RBFOX3: variants seen among roughly 807,000 people sequenced by gnomAD.
The protein encoded by RBFOX3 is RNA binding fox-1 homolog 3, also known as RNA binding protein fox-1 homolog 3.
Under a neutral mutation model 48.7 loss-of-function variants are expected in RBFOX3, and 17 were observed. The observed-to-expected ratio is 0.35, with a 90% CI of 0.24 to 0.52. The LOEUF is 0.52. RBFOX3 is among the 20% of genes least tolerant of loss of function. RBFOX3 has a pLI of 0.94. For missense variants in RBFOX3, 382 were observed against 497.5 expected, an observed-to-expected ratio of 0.77 and a Z score of 2.21; for synonymous variants, 212 against 209.5, an observed-to-expected ratio of 1.01 and a Z score of -0.10.
chr17:79,359,261 G>A (rs887559349), intron 2 of RBFOX3, among the ~76,000 whole-genome samples: 76 of 152,190 alleles, frequency 5.0e-4, no homozygotes, highest in African/African-American at 1.6e-3. Context: ...GCCAGTGTTA[G>A]CAAAGAAAAA....
At chr17:79,336,331 G>C (rs761415514) in intron 2 of RBFOX3, among the ~76,000 whole-genome samples, 64 of 151,980 alleles carry the variant, frequency 4.2e-4, no homozygotes, top group Non-Finnish European at 7.9e-4. Flanking sequence ...AGGTTGCAGT[G>C]AGCCAAGATC....
chr17:79,114,495 G>A (rs1044910842), intron 5 of RBFOX3, among the ~76,000 whole-genome samples: 29 of 152,220 alleles, frequency 1.9e-4, no homozygotes, highest in African/African-American at 6.5e-4. Context: ...CCTGGGTGAC[G>A]CTGGAGGAAG....
intron 4 of RBFOX3, among the ~76,000 whole-genome samples, chr17:79,200,503 G>C (rs995346902): frequency 2.6e-5 from 4 of 152,346 alleles, no homozygotes; most frequent in Admixed American, 1.3e-4. Context: ...GAGCCAAGAG[G>C]GGCAGAGGTG....
At chr17:79,546,053 C>T (rs577421164) in intron 1 of RBFOX3, among the ~76,000 whole-genome samples, 26 of 152,364 alleles carry the variant, frequency 1.7e-4, no homozygotes, top group African/African-American at 5.8e-4. Context: ...GGATACCTCT[C>T]GCAGATTTGC....
chr17:79,627,300 C>T, the RBFOX3 span, among the ~76,000 whole-genome samples: 1 of 152,204 alleles, frequency 6.6e-6, no homozygotes, highest in African/African-American at 2.4e-5. Context: ...CTTCCCCCAC[C>T]CCCTGGAGTG....
intron 4 of RBFOX3, among the ~76,000 whole-genome samples, chr17:79,176,176 G>A (rs544538141): frequency 1.3e-5 from 2 of 152,348 alleles, no homozygotes; most frequent in East Asian, 3.9e-4. Context: ...CTCCTCTTCT[G>A]TGGATTCCCT....
At chr17:79,151,225 G>A (rs1275309387) in intron 4 of RBFOX3, among the ~76,000 whole-genome samples, 1 of 151,736 alleles carries the variant, frequency 6.6e-6, no homozygotes, top group Non-Finnish European at 1.5e-5. Context: ...AGGGCTGAGG[G>A]GAACACAAGA....
At position 79,512,677 on chromosome 17, in the gene RBFOX3, ACGTGTT is replaced by A. The variant is rs2084552657; in HGVS notation, c.-319-30085_-319-30080del. On this transcript the variant is annotated intron_variant, in intron 1 of 14. Transcript: ENST00000693108. ...ATGGCCAGGGGACACCCACCCGGATACGTGTTACCATCGGGTACAGCCCCATGGCCA... is the reference window on the plus strand; with the variant it reads ...ATGGCCAGGGGACACCCACCCGGATAACCATCGGGTACAGCCCCATGGCCA... 1.1e-4 allele frequency among the ~76,000 whole-genome samples: 15 copies of A among 135,222 alleles called. 1 individual carries two copies. The highest frequency in any genetic ancestry group is 2.5e-4 in the African/African-American group (9 of 35,426). The allele number at this position is 135,222 out of a possible 152,430, so 88.7% of individuals were successfully genotyped here.
chr17:79,552,281 G>A (rs2091227576), intron 1 of RBFOX3, among the ~76,000 whole-genome samples: 2 of 152,148 alleles, frequency 1.3e-5, no homozygotes, highest in Non-Finnish European at 2.9e-5. Flanking sequence ...TATGGAAAAT[G>A]CAGGGAGCTT....
rs574151214 is a variant in RBFOX3 at position 79,249,550 on chromosome 17, G to C, written c.-73-13745C>G. 1.3e-5 allele frequency among the ~76,000 whole-genome samples: 2 copies of C among 151,800 alleles called. No homozygotes were observed. The highest frequency in any genetic ancestry group is 1.3e-4 in the Admixed American group (2 of 15,222). Reference sequence around the variant, plus strand: ...CACACCCCAAGCCCCTGCCTCTATCGGGGTCCCATGCTCCCGGAGACTGTT... The same window carrying C: ...CACACCCCAAGCCCCTGCCTCTATCCGGGTCCCATGCTCCCGGAGACTGTT... On this transcript the variant is annotated intron_variant, in intron 3 of 14. Coordinates refer to ENST00000693108, the MANE Select transcript of RBFOX3 (RefSeq NM_001350451.2). The surrounding 1 kb of genome is among the most constrained non-coding windows in gnomAD (Gnocchi z 4.1).
rs114954107 is a variant in RBFOX3 at position 79,118,380 on chromosome 17, C to T, written c.-33-2632G>A. Among the ~76,000 whole-genome samples the T allele has an allele frequency of 1.8e-3, 268 of 152,220 alleles. 1 individual carries two copies. Among genetic ancestry groups the T allele is most frequent in the African/African-American group, 6.0e-3 (249 of 41,506 alleles). On this transcript the variant is annotated intron_variant, in intron 4 of 14. Coordinates refer to ENST00000693108, the MANE Select transcript of RBFOX3 (RefSeq NM_001350451.2). ...CCCAAGGTAGCTGGTGAGGCCCCAT[C>T]GTCCGTTGTTAGCAAACGTGTTGGT...
chr17:79,109,337 C>T (rs1975864), intron 5 of RBFOX3, among the ~76,000 whole-genome samples: 2,923 of 152,188 alleles, frequency 0.019, 94 homozygotes, highest in African/African-American at 0.066. Flanking sequence ...GACAGGCCTC[C>T]GGAGACTCCT....
chr17:79,555,574 G>GTGA (rs1164477268), intron 1 of RBFOX3, among the ~76,000 whole-genome samples: 3 of 3,196 alleles, frequency 9.4e-4, no homozygotes, highest in Admixed American at 3.0e-3. Flanking sequence ...TGTGGTGGTA[G>GTGA]TGATGATGAT....
chr17:79,097,851 T>G (rs2075677357), intron 9 of RBFOX3, 106 bp from the exon 10 acceptor site: 5 of 1,213,670 alleles, frequency 4.1e-6, no homozygotes, highest in Admixed American at 2.1e-5. Context: ...TTGGGAACAT[T>G]CCCAGGGCGC....
At chr17:79,124,652 T>A (rs1488926544) in intron 4 of RBFOX3, among the ~76,000 whole-genome samples, 2 of 8,318 alleles carry the variant, frequency 2.4e-4, no homozygotes, top group Admixed American at 1.9e-3. Flanking sequence ...AGAGGGAAGG[T>A]GTTGCGGGGG....
intron 3 of RBFOX3, among the ~76,000 whole-genome samples, chr17:79,290,370 C>T (rs899227753): frequency 6.6e-6 from 1 of 152,084 alleles, no homozygotes; most frequent in Non-Finnish European, 1.5e-5. Flanking sequence ...GGTAAGCCAT[C>T]GAGCCTCTAA....
intron 2 of RBFOX3, among the ~76,000 whole-genome samples, chr17:79,412,585 C>T (rs965899712): frequency 3.3e-5 from 5 of 149,564 alleles, no homozygotes; most frequent in East Asian, 2.0e-4. Context: ...TGTGTATGCA[C>T]GTGTGTATAT....
chr17:79,104,881 G>A (rs1456532957), intron 6 of RBFOX3, among the ~76,000 whole-genome samples: 1 of 129,272 alleles, frequency 7.7e-6, no homozygotes, highest in East Asian at 2.3e-4. Flanking sequence ...CCGGGACCCT[G>A]CACAGCCTGT....
the RBFOX3 span, among the ~76,000 whole-genome samples, chr17:79,636,177 G>T: frequency 9.9e-5 from 15 of 152,192 alleles, no homozygotes; most frequent in African/African-American, 3.6e-4. Context: ...GTGAGATAGA[G>T]CTATATGTGC....
Sources: gnomAD v4.1 joint callset for allele counts (sites outside exome capture counted in the v4.1 genomes callset) on GRCh38, gnomAD v4.1.1 for gene constraint, Gnocchi (gnomAD v3.1) non-coding constraint, MANE v1.5 for transcripts, NCBI Gene and HGNC (gene_info 2026-07-23, HGNC 2026-07-21) for gene names.